SLC15A3: variants seen among roughly 807,000 people sequenced by gnomAD.
SLC15A3 encodes solute carrier family 15 member 3, also known as osteoclast transporter.
In SLC15A3, 39 loss-of-function variants were observed where a neutral mutation model predicts 49.2. That is an observed-to-expected ratio of 0.79 (90% CI 0.61 to 1.04). SLC15A3 has a LOEUF of 1.04. SLC15A3 is among the 50% of genes least tolerant of loss of function. The pLI is 0.00. For synonymous variants in SLC15A3, 339 were observed against 367.0 expected (o/e 0.92, Z 0.87); for missense variants, 758 against 794.8 (o/e 0.95, Z 0.56).
chr11:60,939,620 C>T lies in SLC15A3; in HGVS notation c.1295G>A (p.Arg432His), dbSNP rs1422650009. The T allele has an allele frequency of 1.2e-5, 20 of 1,613,978 alleles. No homozygotes were observed. Among genetic ancestry groups the T allele is most frequent in the Middle Eastern group, 1.6e-4 (1 of 6,084 alleles). ...VIVAGVLEME[R>H]LHYIHHNETV... ...CTCGTTGTGGTGGATGTAGTGTAAGCGCTCCATCTCCAGGACTCCTGGTGG... is the reference window on the plus strand; with the variant it reads ...CTCGTTGTGGTGGATGTAGTGTAAGTGCTCCATCTCCAGGACTCCTGGTGG... The change falls in exon 6 of 8, where the codon CGC becomes CAC. Residue 432 changes from arginine (R) to histidine (H), a missense_variant. Transcript: ENST00000227880.
At position 60,946,793 on chromosome 11, in the gene SLC15A3, C is replaced by G; in HGVS notation, c.587G>C (p.Arg196Pro). The change falls in exon 2 of 8, where the codon CGC (arginine) becomes CCC (proline). Residue 196 changes from arginine (R) to proline (P), a missense_variant. Physicochemically the swap from Arg to Pro is moderately radical, Grantham distance 103 (BLOSUM62 -2). Around this residue, in one of 3 missense-constraint regions of SLC15A3, gnomAD observed 699 missense variants for 706.7 expected, o/e 0.99. Transcript: ENST00000227880. ...QVMDLGRDAT[R>P]RFFNWFYWSI... ...CCAGTAAAACCAGTTGAAGAAGCGG[C>G]GGGTGGCGTCGCGGCCGAGATCCAT... 6.2e-7 allele frequency: 1 copy of G among 1,612,332 alleles called. No homozygotes were observed. Among genetic ancestry groups the G allele is most frequent in the Non-Finnish European group, 8.5e-7 (1 of 1,179,446 alleles).
chr11:60,950,426 GGGT>G (rs1714585254), intron 1 of SLC15A3, among the ~76,000 whole-genome samples: 1 of 152,200 alleles, frequency 6.6e-6, no homozygotes, highest in Non-Finnish European at 1.5e-5. Flanking sequence ...CCTACTTCCT[GGGT>G]GGTGAAGAGT....
At chr11:60,941,923 G>A (rs1029611086) in intron 4 of SLC15A3, 112 bp downstream of exon 4, 7 of 1,034,844 alleles carry the variant, frequency 6.8e-6, no homozygotes, top group Non-Finnish European at 1.0e-5. Context: ...GTATCCTGAG[G>A]TTGCCTTGCA....
intron 1 of SLC15A3, among the ~76,000 whole-genome samples, chr11:60,947,028 G>C (rs1396054691): frequency 6.6e-6 from 1 of 152,208 alleles, no homozygotes; most frequent in Non-Finnish European, 1.5e-5. Flanking sequence ...ACTTGCTAAA[G>C]ATCAGGACAT....
At position 60,951,952 on chromosome 11, in the gene SLC15A3, C is replaced by T. The variant is rs1856938032; in HGVS notation, c.-401G>A. 1.3e-5 allele frequency among the ~76,000 whole-genome samples: 2 copies of T among 151,946 alleles called. No individual in the cohort carries two copies. The highest frequency in any genetic ancestry group is 1.3e-4 in the Admixed American group (2 of 15,260). On this transcript the variant is annotated 5_prime_UTR_variant, in exon 1 of 8. Coordinates refer to ENST00000227880, the MANE Select transcript of SLC15A3 (RefSeq NM_016582.3). Reference sequence around the variant, plus strand: ...TGCCCCTCCGCCTCCCTTTCCCCTCCCCGTTTGTCGCCCCTTCCTGTTGTC... The same window carrying T: ...TGCCCCTCCGCCTCCCTTTCCCCTCTCCGTTTGTCGCCCCTTCCTGTTGTC...
Position 60,951,176 on chromosome 11 carries a change from C to A in SLC15A3, c.376G>T (p.Gly126Cys), listed in dbSNP as rs1446988254. Residue 126 changes from glycine to cysteine, a missense_variant, in exon 1 of 8, where the codon GGC becomes TGC. By Grantham distance (159) the Gly-to-Cys change is radical (BLOSUM62 -3). Around this residue, in one of 3 missense-constraint regions of SLC15A3, gnomAD observed 699 missense variants for 706.7 expected, o/e 0.99. Transcript: ENST00000227880. ...ATCTCTCCGCAGAAGGAGCTGCGGC[C>A]GTCGGGGAAGGCGGTGGCGGGCAGC... ...GLLPATAFPD[G>C]RSSFCGEMPA... The A allele has an allele frequency of 3.3e-6, 5 of 1,494,838 alleles. No individual in the cohort carries two copies. Among genetic ancestry groups the A allele is most frequent in the Non-Finnish European group, 4.4e-6 (5 of 1,130,344 alleles). The allele number at this position is 1,494,838 out of a possible 1,614,324, so 92.6% of individuals were successfully genotyped here.
chr11:60,938,144 G>T, intron 6 of SLC15A3, 119 bp from the exon 7 acceptor site: 1 of 1,262,668 alleles, frequency 7.9e-7, no homozygotes, highest in Non-Finnish European at 1.1e-6. Flanking sequence ...GCTTCCCCTG[G>T]ATGCCTGTCC....
In SLC15A3 at chr11:60,951,448, C is replaced by G; in HGVS notation, c.104G>C (p.Gly35Ala). The change falls in exon 1 of 8, where the codon GGC becomes GCC. Residue 35 changes from glycine to alanine, a missense_variant. Gly to Ala is a moderately conservative substitution (Grantham distance 60). Coordinates refer to ENST00000227880, the MANE Select transcript of SLC15A3 (RefSeq NM_016582.3). Reference protein sequence around the residue: ...RGPRRWRRAAGAAVLLVEMLE... With the variant: ...RGPRRWRRAAAAAVLLVEMLE... ...CATCTCCACCAGCAGCACGGCCGCG[C>G]CCGCCGCCCGCCGCCACCGTCGAGG... is the stretch of plus-strand genomic sequence containing the variant. 2.8e-6 allele frequency: 4 copies of G among 1,432,120 alleles called. No individual in the cohort carries two copies. 88.7% of individuals were successfully genotyped at this position (1,432,120 alleles called of 1,614,324 possible).
In SLC15A3 at chr11:60,941,275, G is replaced by C; in HGVS notation, c.1123C>G (p.Leu375Val). ...GSSYTIPEAW[L>V]LLANVVVVLI... ...ACCACCACAACATTGGCCAGGAGGA[G>C]CCAGGCTTCCGGGATCTGGGCAGGA... Residue 375 changes from leucine to valine, a missense_variant, in exon 5 of 8, where the codon CTC (leucine) becomes GTC (valine). Around this residue, in one of 3 missense-constraint regions of SLC15A3, gnomAD observed 699 missense variants for 706.7 expected, o/e 0.99. Coordinates refer to ENST00000227880, the MANE Select transcript of SLC15A3 (RefSeq NM_016582.3). 2 of 1,613,812 alleles carry C rather than the reference G, an allele frequency of 1.2e-6. No homozygotes were observed. Among genetic ancestry groups the C allele is most frequent in the Non-Finnish European group, 8.5e-7 (1 of 1,179,852 alleles).
At chr11:60,945,941 T>G (rs1348647901) in intron 2 of SLC15A3, among the ~76,000 whole-genome samples, 1 of 152,180 alleles carries the variant, frequency 6.6e-6, no homozygotes, top group Non-Finnish European at 1.5e-5. Flanking sequence ...ATCATCCTTA[T>G]CCTTACTACC....
In SLC15A3 at chr11:60,951,280, C is replaced by G; in HGVS notation, c.272G>C (p.Gly91Ala). ...GCCCAGGTACACGTCGGCCAGCCAG[C>G]CGCCCACGGGCGCCAGCAGGTAGGA... ...GASYLLAPVGGWLADVYLGRY... is the reference protein window; with the variant it reads ...GASYLLAPVGAWLADVYLGRY... Residue 91 changes from glycine (G) to alanine (A), a missense_variant, in exon 1 of 8, where the codon GGC (glycine) becomes GCC (alanine). By Grantham distance (60) the Gly-to-Ala change is moderately conservative (BLOSUM62 0). Transcript: ENST00000227880. 1 of 1,516,686 alleles carries G rather than the reference C, an allele frequency of 6.6e-7. No homozygotes were observed. The highest frequency in any genetic ancestry group is 8.8e-7 in the Non-Finnish European group (1 of 1,134,732). 94.0% of individuals were successfully genotyped at this position (1,516,686 alleles called of 1,614,324 possible).
chr11:60,939,363 C>G, intron 6 of SLC15A3, 117 bp downstream of exon 6: 1 of 1,263,578 alleles, frequency 7.9e-7, no homozygotes, highest in Non-Finnish European at 1.1e-6. Context: ...TCAGAAAACA[C>G]TGCCTTCCTC....
In SLC15A3 at chr11:60,947,772, T is replaced by C. The variant is rs538309115; in HGVS notation, c.559-951A>G. ...CAAGGGCAGATGGGCTGAAAATCTT[T>C]ACCCAGAATTTGGATCAATCAGCAA... On this transcript the variant is annotated intron_variant, in intron 1 of 7. Transcript: ENST00000227880. The C allele has an allele frequency of 2.0e-5, 3 of 152,308 alleles. No individual in the cohort carries two copies. In the South Asian group the frequency reaches 6.2e-4, roughly 32 times the overall value. The allele number at this position is 152,308 out of a possible 1,614,324, so 9.4% of individuals were successfully genotyped here.
chr11:60,951,258 C>T lies in SLC15A3; in HGVS notation c.294G>A (p.Leu98=). The T allele has an allele frequency of 6.6e-7, 1 of 1,515,542 alleles. No individual in the cohort carries two copies. Among genetic ancestry groups the T allele is most frequent in the South Asian group, 1.2e-5 (1 of 81,012 alleles). The allele number at this position is 1,515,542 out of a possible 1,614,324, so 93.9% of individuals were successfully genotyped here. A position where few individuals can be genotyped will look rare whatever the true frequency, so the allele number is the denominator to read the frequency against. Residue 98 remains leucine, a synonymous_variant, in exon 1 of 8, where the codon CTG becomes CTA. Transcript: ENST00000227880. ...TGAGCGCGACCGCGCGGTAGCGGCC[C>T]AGGTACACGTCGGCCAGCCAGCCGC... ...PVGGWLADVY[L]GRYRAVALSL...
intron 3 of SLC15A3, chr11:60,943,430 T>C: frequency 3.3e-6 from 1 of 300,116 alleles, no homozygotes; most frequent in Non-Finnish European, 6.1e-6. Context: ...CACAAAGCCA[T>C]CCCAGTAATT....
At position 60,937,867 on chromosome 11, in the gene SLC15A3, C is replaced by CA; in HGVS notation, c.1591+2dup. ...CCCACTCCTGGGGAGGCCCCATACT[C>CA]ACCAAAGTCCTTGGGGCAGTGCAGC... On this transcript the variant is annotated splice_region_variant and intron_variant, in intron 7 of 7. Transcript: ENST00000227880. 1 of 1,613,768 alleles carries CA rather than the reference C, an allele frequency of 6.2e-7. No individual in the cohort carries two copies.
At chr11:60,946,509 C>A in intron 2 of SLC15A3, 23 bp downstream of exon 2, 1 of 1,529,942 alleles carries the variant, frequency 6.5e-7, no homozygotes, top group South Asian at 1.3e-5. Context: ...TGGAGGCTCC[C>A]TGCACCCAGA....
rs545024893 is a variant in SLC15A3, at chr11:60,949,291, C to T, written c.558+1703G>A. The stretch of plus-strand genomic sequence containing the variant: ...GGTGGAGGTTGCAGTGATCTGAGAT[C>T]GCACCTCTGCACTCCAGCGTAGGCA... On this transcript the variant is annotated intron_variant, in intron 1 of 7. Coordinates refer to ENST00000227880, the MANE Select transcript of SLC15A3 (RefSeq NM_016582.3). Among the ~76,000 whole-genome samples, 18 of 151,068 alleles carry T rather than the reference C, an allele frequency of 1.2e-4. No individual in the cohort carries two copies. The East Asian group carries it at 2.7e-3, about 23-fold the overall frequency.
chr11:60,941,229 T>C lies in SLC15A3; in HGVS notation c.1169A>G (p.Lys390Arg), dbSNP rs1402699145. 6.8e-6 allele frequency: 11 copies of C among 1,614,134 alleles called. No individual in the cohort carries two copies. Among genetic ancestry groups the C allele is most frequent in the Non-Finnish European group, 8.5e-6 (10 of 1,180,022 alleles). Residue 390 changes from lysine to arginine, a missense_variant, in exon 5 of 8, where the codon AAG becomes AGG. Coordinates refer to ENST00000227880, the MANE Select transcript of SLC15A3 (RefSeq NM_016582.3). ...VVVVLILVPL[K>R]DRLIDPLLLR... ...CAGTAAAGGGTCGATCAAGCGGTCC[T>C]TCAGAGGGACCAGAATCAGCACCAC...
Sources: gnomAD v4.1 joint callset for allele counts (sites outside exome capture counted in the v4.1 genomes callset) on GRCh38, gnomAD v4.1.1 for gene constraint, gnomAD v4.1.1 regional missense constraint, MANE v1.5 for transcripts, NCBI Gene and HGNC (gene_info 2026-07-23, HGNC 2026-07-21) for gene names.